The following SGK1 variants were observed in gnomAD, a reference collection of about 807,000 sequenced individuals.
SGK1 encodes the protein serum/glucocorticoid regulated kinase 1.
In SGK1, 26 loss-of-function variants were observed where a neutral mutation model predicts 64.2. That is an observed-to-expected ratio of 0.40 (90% CI 0.30 to 0.56). The LOEUF is 0.56. Ranked by LOEUF, SGK1 falls within the 20% of genes least tolerant of loss-of-function variation. The probability of loss-of-function intolerance (pLI) is 0.38; values close to 1 mark genes in which losing one functional copy is unlikely to be tolerated. For missense variants in SGK1, 519 were observed against 645.6 expected (o/e 0.80, Z 2.12); for synonymous variants, 265 against 239.7 (o/e 1.11, Z -0.98).
intron 2 of SGK1, among the ~76,000 whole-genome samples, chr6:134,254,498 G>A (rs2114739444): frequency 6.6e-6 from 1 of 152,296 alleles, no homozygotes; most frequent in East Asian, 1.9e-4. Flanking sequence ...CTTTCTACGA[G>A]TGAGGCTCCT....
chr6:134,244,868 C>T (rs1776502380), intron 2 of SGK1, among the ~76,000 whole-genome samples: 2 of 152,208 alleles, frequency 1.3e-5, no homozygotes, highest in Admixed American at 6.5e-5. Flanking sequence ...CTCTGCCTCC[C>T]AGGTTCAAGT....
At chr6:134,208,745 C>CGT (rs146164433) in intron 2 of SGK1, among the ~76,000 whole-genome samples, 84,823 of 150,450 alleles carry the variant, frequency 0.56, 28,761 homozygotes, top group South Asian at 0.83. Context: ...TCCATGTATG[C>CGT]GTATATATAT....
chr6:134,271,311 C>CAA (rs528359922), intron 1 of SGK1, among the ~76,000 whole-genome samples: 7 of 96,852 alleles, frequency 7.2e-5, no homozygotes, highest in African/African-American at 1.1e-4. Context: ...GAAACTGTCT[C>CAA]AAAAAAAAAA....
At chr6:134,250,362 G>A (rs1420845557) in intron 2 of SGK1, among the ~76,000 whole-genome samples, 2 of 152,134 alleles carry the variant, frequency 1.3e-5, no homozygotes, top group Non-Finnish European at 2.9e-5. Context: ...TAATACCAGT[G>A]CATTTCAGTT....
intron 1 of SGK1, among the ~76,000 whole-genome samples, chr6:134,274,604 CT>C (rs891908032): frequency 1.3e-5 from 2 of 149,966 alleles, no homozygotes; most frequent in Non-Finnish European, 3.0e-5. Context: ...CTCATTGGAG[CT>C]TTTTGGATTT....
intron 1 of SGK1, among the ~76,000 whole-genome samples, chr6:134,286,537 G>A (rs1457558083): frequency 6.6e-6 from 1 of 150,448 alleles, no homozygotes; most frequent in Admixed American, 6.6e-5. Context: ...CGCGATCTCG[G>A]CTCACTGCAA....
At chr6:134,300,685 T>G (rs1582773451) in intron 1 of SGK1, among the ~76,000 whole-genome samples, 1 of 131,216 alleles carries the variant, frequency 7.6e-6, no homozygotes, top group Non-Finnish European at 1.6e-5. Flanking sequence ...CAGGCTGGAG[T>G]GCAATGGCAT....
rs1582680174 is a variant in SGK1, at chr6:134,171,295, C to T, written c.1168-117G>A. On this transcript the variant is annotated intron_variant, in intron 11 of 13. Coordinates refer to ENST00000367858, the MANE Select transcript of SGK1 (RefSeq NM_001143676.3). Reference sequence around the variant, plus strand: ...ATTAGGCTCGATTTGAGAAACTCTCCCCACCTCAATGCTTTCTTTTCCCTT... The same window carrying T: ...ATTAGGCTCGATTTGAGAAACTCTCTCCACCTCAATGCTTTCTTTTCCCTT... 1.3e-5 allele frequency: 12 copies of T among 956,910 alleles called. No homozygotes were observed. The East Asian group carries it at 2.9e-4, about 23-fold the overall frequency. The allele number at this position is 956,910 out of a possible 1,614,324, so 59.3% of individuals were successfully genotyped here.
At chr6:134,292,994 A>T (rs1037074180) in intron 1 of SGK1, among the ~76,000 whole-genome samples, 7 of 152,244 alleles carry the variant, frequency 4.6e-5, no homozygotes, top group African/African-American at 1.7e-4. Context: ...TATCATCTTC[A>T]TAATTGGATA....
At chr6:134,205,482 T>G (rs1244476451) in intron 3 of SGK1, among the ~76,000 whole-genome samples, 1 of 151,792 alleles carries the variant, frequency 6.6e-6, no homozygotes, top group Non-Finnish European at 1.5e-5. Flanking sequence ...AGTCCTCCTG[T>G]TTCTGCTAAT....
intron 2 of SGK1, chr6:134,260,709 A>C (rs1246960360): frequency 6.6e-6 from 1 of 151,922 alleles, no homozygotes; most frequent in Non-Finnish European, 1.5e-5. Flanking sequence ...ACAAATTATG[A>C]AACAGATTCA....
intron 12 of SGK1, 34 bp downstream of exon 12, chr6:134,170,989 G>A (rs775403686): frequency 1.1e-5 from 17 of 1,608,670 alleles, no homozygotes; most frequent in Admixed American, 1.7e-5. Flanking sequence ...TGCACGTCCC[G>A]GCCGGCCCAG....
chr6:134,216,228 G>A (rs557314220), intron 2 of SGK1, among the ~76,000 whole-genome samples: 1 of 152,166 alleles, frequency 6.6e-6, no homozygotes, highest in Admixed American at 6.5e-5. Flanking sequence ...GCTTTCCATG[G>A]ATCACTTTAG....
intron 1 of SGK1, among the ~76,000 whole-genome samples, chr6:134,300,052 C>T (rs760741516): frequency 1.3e-5 from 2 of 152,104 alleles, no homozygotes; most frequent in Non-Finnish European, 2.9e-5. Flanking sequence ...ATCATATTTG[C>T]CATTTCTCTA....
intron 11 of SGK1, 149 bp downstream of exon 11, chr6:134,171,483 TTATTC>T (rs1236959274): frequency 1.6e-5 from 10 of 627,812 alleles, no homozygotes; most frequent in Non-Finnish European, 1.4e-5. Flanking sequence ...AGGTAAGTGA[TTATTC>T]TTATGAACTA....
chr6:134,310,911 A>C (rs2114802258), intron 1 of SGK1, among the ~76,000 whole-genome samples: 2 of 152,322 alleles, frequency 1.3e-5, no homozygotes, highest in South Asian at 4.1e-4. Flanking sequence ...TGAAGTTAGT[A>C]ATTCATATTA....
At chr6:134,268,900 C>A (rs1485943218) in intron 1 of SGK1, among the ~76,000 whole-genome samples, 1 of 140,924 alleles carries the variant, frequency 7.1e-6, no homozygotes, top group Non-Finnish European at 1.5e-5. Context: ...CAACCAAATT[C>A]TTTGCTAAAT....
intron 3 of SGK1, among the ~76,000 whole-genome samples, chr6:134,194,079 G>A (rs534645657): frequency 2.6e-5 from 4 of 152,100 alleles, no homozygotes; most frequent in South Asian, 2.1e-4. Context: ...TCTTTGGGAT[G>A]TGGGAGGAAA....
chr6:134,177,804 T>G (rs764526944), intron 3 of SGK1: 2 of 1,613,264 alleles, frequency 1.2e-6, no homozygotes, highest in South Asian at 2.2e-5. Context: ...TCTGATAAGC[T>G]GGAACTCTGA....
Sources: allele counts gnomAD v4.1 joint callset (sites outside exome capture counted in the v4.1 genomes callset), GRCh38; gene constraint gnomAD v4.1.1; transcripts MANE v1.5; gene names NCBI Gene and HGNC (gene_info 2026-07-23, HGNC 2026-07-21).